WWOX: variants seen among roughly 807,000 people sequenced by gnomAD.
WWOX encodes the protein WW domain containing oxidoreductase.
Under a neutral mutation model 46.2 loss-of-function variants are expected in WWOX, and 69 were observed. The observed-to-expected ratio is 1.49, with a 90% CI of 1.23 to 1.82. The LOEUF is 1.82. Ranked by LOEUF, WWOX falls within the 40% of genes most tolerant of loss-of-function variation. The probability of loss-of-function intolerance (pLI) is 0.00; values close to 1 mark genes in which losing one functional copy is unlikely to be tolerated. For missense variants in WWOX, 919 were observed against 542.6 expected (o/e 1.69, Z -6.89); for synonymous variants, 359 against 202.6 (o/e 1.77, Z -6.56).
intron 8 of WWOX, among the ~76,000 whole-genome samples, chr16:78,934,225 C>A (rs2045686332): frequency 1.3e-5 from 2 of 151,000 alleles, no homozygotes; most frequent in Admixed American, 6.6e-5. Context: ...GTAATCCCAG[C>A]TACTCGGGAG....
intron 8 of WWOX, among the ~76,000 whole-genome samples, chr16:78,869,151 G>A: frequency 6.6e-6 from 1 of 152,234 alleles, no homozygotes; most frequent in South Asian, 2.1e-4. Flanking sequence ...AATTAAAATT[G>A]TATATACGTT....
intron 8 of WWOX, among the ~76,000 whole-genome samples, chr16:78,769,967 T>C (rs2050024804): frequency 6.6e-6 from 1 of 152,016 alleles, no homozygotes. Context: ...TCGCTTGAGC[T>C]CAAGAGGTTG....
intron 8 of WWOX, among the ~76,000 whole-genome samples, chr16:78,779,616 G>A (rs1437958150): frequency 6.6e-6 from 1 of 152,158 alleles, no homozygotes. Context: ...TTCATTTTAA[G>A]TAGGAAATTG....
intron 8 of WWOX, among the ~76,000 whole-genome samples, chr16:78,894,883 G>T (rs1426857937): frequency 6.6e-6 from 1 of 152,130 alleles, no homozygotes; most frequent in Admixed American, 6.6e-5. Flanking sequence ...GCATAACTCA[G>T]TTCTCGGAAT....
At chr16:78,828,462 C>G (rs377055428) in intron 8 of WWOX, among the ~76,000 whole-genome samples, 1 of 152,082 alleles carries the variant, frequency 6.6e-6, no homozygotes, top group Non-Finnish European at 1.5e-5. Flanking sequence ...CTGCCATCTG[C>G]CTGTGGGGTG....
At chr16:78,390,945 G>C (rs762135157) in intron 6 of WWOX, among the ~76,000 whole-genome samples, 9 of 152,222 alleles carry the variant, frequency 5.9e-5, no homozygotes, top group Non-Finnish European at 1.3e-4. Flanking sequence ...GATCAAGCCA[G>C]AGTATTATCA....
chr16:78,761,846 C>G (rs1452053438), intron 8 of WWOX, among the ~76,000 whole-genome samples: 2 of 152,138 alleles, frequency 1.3e-5, no homozygotes, highest in South Asian at 2.1e-4. Flanking sequence ...CCGACATAGA[C>G]TAACTTAAAA....
intron 8 of WWOX, among the ~76,000 whole-genome samples, chr16:78,743,338 T>C (rs144414938): frequency 1.6e-4 from 24 of 152,262 alleles, no homozygotes; most frequent in Non-Finnish European, 3.4e-4. Context: ...TTTGCTGTCA[T>C]TTGTTTCTTA....
At chr16:78,660,610 C>G (rs1373761026) in intron 8 of WWOX, among the ~76,000 whole-genome samples, 1 of 152,060 alleles carries the variant, frequency 6.6e-6, no homozygotes, top group Admixed American at 6.6e-5. Flanking sequence ...GCCACCAGCT[C>G]CCTACTCACT....
intron 8 of WWOX, among the ~76,000 whole-genome samples, chr16:78,657,052 G>A (rs2047097388): frequency 6.6e-6 from 1 of 152,148 alleles, no homozygotes; most frequent in East Asian, 1.9e-4. Context: ...GCCCCTTGTA[G>A]GGCTTTCTGG....
chr16:78,406,338 ATATATATATATATATATT>A (rs2082540942), intron 6 of WWOX, among the ~76,000 whole-genome samples: 1 of 87,318 alleles, frequency 1.1e-5, no homozygotes, highest in Non-Finnish European at 1.9e-5. Flanking sequence ...ATATATATAT[ATATATATATATATATATT>A]TTATTATTTT....
chr16:78,892,142 A>C (rs762803543), intron 8 of WWOX: 1 of 152,160 alleles, frequency 6.6e-6, no homozygotes, highest in African/African-American at 2.4e-5. Flanking sequence ...GTTTCATACT[A>C]ATTTTCTACT....
At position 78,164,350 on chromosome 16, in the gene WWOX, A is replaced by T. The variant is rs546999316; in HGVS notation, c.516+61A>T. On this transcript the variant is annotated intron_variant, in intron 5 of 8. Coordinates refer to ENST00000566780, the MANE Select transcript of WWOX (RefSeq NM_016373.4). ...CAAATACACATGCCGGGCTAACCATATGGAGATTTCAGTGGAGTGTGTAAA... is the reference window on the plus strand; with the variant it reads ...CAAATACACATGCCGGGCTAACCATTTGGAGATTTCAGTGGAGTGTGTAAA... 31 of 1,470,118 alleles carry T rather than the reference A, an allele frequency of 2.1e-5. No homozygotes were observed. In the South Asian group the frequency reaches 3.1e-4, roughly 15 times the overall value. 91.1% of individuals were successfully genotyped at this position (1,470,118 alleles called of 1,614,324 possible). A position where few individuals can be genotyped will look rare whatever the true frequency, so the allele number is the denominator to read the frequency against.
chr16:78,354,066 C>G (rs2081235909), intron 5 of WWOX, among the ~76,000 whole-genome samples: 1 of 152,146 alleles, frequency 6.6e-6, no homozygotes, highest in Admixed American at 6.5e-5. Context: ...CTTGTTTGCA[C>G]CTTTTAATTC....
At chr16:78,833,434 C>A (rs1047619063) in intron 8 of WWOX, among the ~76,000 whole-genome samples, 1 of 151,940 alleles carries the variant, frequency 6.6e-6, no homozygotes, top group African/African-American at 2.4e-5. Context: ...TCCTCCTCCT[C>A]CTCCTCCTCC....
At chr16:79,210,610 T>G (rs76827538) in intron 8 of WWOX, among the ~76,000 whole-genome samples, 1 of 152,334 alleles carries the variant, frequency 6.6e-6, no homozygotes, top group African/African-American at 2.4e-5. Context: ...CAGCTAGGGC[T>G]CTGAAACACA....
chr16:78,980,518 C>G (rs931827806), intron 8 of WWOX, among the ~76,000 whole-genome samples: 2 of 152,204 alleles, frequency 1.3e-5, no homozygotes, highest in Non-Finnish European at 2.9e-5. Context: ...AATCCAGTCT[C>G]AATTAAAATA....
intron 8 of WWOX, among the ~76,000 whole-genome samples, chr16:79,064,299 T>A (rs933655865): frequency 3.3e-5 from 5 of 152,236 alleles, no homozygotes; most frequent in Non-Finnish European, 7.3e-5. Context: ...GTTGAGAATT[T>A]AAGATGATGG....
chr16:78,716,594 C>A (rs1255257656), intron 8 of WWOX, among the ~76,000 whole-genome samples: 1 of 152,064 alleles, frequency 6.6e-6, no homozygotes, highest in Admixed American at 6.6e-5. Context: ...CAGGCAAGTT[C>A]GTGTGGTTCT....
Sources: allele counts gnomAD v4.1 joint callset (sites outside exome capture counted in the v4.1 genomes callset), GRCh38; gene constraint gnomAD v4.1.1; transcripts MANE v1.5; gene names NCBI Gene and HGNC (gene_info 2026-07-23, HGNC 2026-07-21).